MTMR3: variants seen among roughly 807,000 people sequenced by gnomAD.
MTMR3 encodes phosphatidylinositol-3,5-bisphosphate 3-phosphatase MTMR3.
In MTMR3, 32 loss-of-function variants were observed where a neutral mutation model predicts 132.4. The observed-to-expected ratio is 0.24, with a 90% confidence interval of 0.18 to 0.32. The LOEUF (loss-of-function observed/expected upper bound fraction) is 0.32. Ranked by LOEUF, MTMR3 falls within the 10% of genes least tolerant of loss-of-function variation. The probability of loss-of-function intolerance (pLI) is 1.00; values close to 1 mark genes in which losing one functional copy is unlikely to be tolerated. For missense variants in MTMR3, 1,216 were observed against 1,489.6 expected, an observed-to-expected ratio of 0.82 and a Z score of 3.02; for synonymous variants, 556 against 550.3, an observed-to-expected ratio of 1.01 and a Z score of -0.14.
chr22:29,955,995 A>G (rs2066182085), intron 1 of MTMR3, among the ~76,000 whole-genome samples: 1 of 151,852 alleles, frequency 6.6e-6, no homozygotes, highest in African/African-American at 2.4e-5. Context: ...CAGGTGATCC[A>G]CCCACCTTGG....
intron 1 of MTMR3, among the ~76,000 whole-genome samples, chr22:29,946,255 A>C (rs1394655185): frequency 6.6e-6 from 1 of 152,148 alleles, no homozygotes; most frequent in African/African-American, 2.4e-5. Context: ...AGGAGTATTA[A>C]GGAGCTGTGG....
chr22:29,893,442 C>T (rs767342590), intron 1 of MTMR3, among the ~76,000 whole-genome samples: 6 of 152,108 alleles, frequency 3.9e-5, no homozygotes, highest in Non-Finnish European at 5.9e-5. Flanking sequence ...TTGGTCTTTG[C>T]GTACATAATG....
At chr22:29,938,816 C>T (rs964252770) in intron 1 of MTMR3, among the ~76,000 whole-genome samples, 11 of 151,910 alleles carry the variant, frequency 7.2e-5, no homozygotes, top group Non-Finnish European at 1.6e-4. Flanking sequence ...ATTTTCTTTA[C>T]TTTTATTTTA....
intron 1 of MTMR3, among the ~76,000 whole-genome samples, chr22:29,901,818 T>C (rs1290157422): frequency 6.6e-6 from 1 of 152,246 alleles, no homozygotes; most frequent in African/African-American, 2.4e-5. Context: ...AGTATGTGAC[T>C]TCTTGAGACT....
chr22:29,916,942 TG>T (rs2065320812), intron 1 of MTMR3, among the ~76,000 whole-genome samples: 2 of 152,200 alleles, frequency 1.3e-5, no homozygotes, highest in African/African-American at 4.8e-5. Context: ...CACTGCCCCC[TG>T]TAACTGCAGT....
intron 1 of MTMR3, among the ~76,000 whole-genome samples, chr22:29,884,689 A>G (rs575427932): frequency 4.6e-5 from 7 of 151,178 alleles, no homozygotes; most frequent in African/African-American, 1.7e-4. Flanking sequence ...CAGCCTCCCA[A>G]GTAGCTGGGA....
At chr22:29,934,182 A>G (rs758278277) in intron 1 of MTMR3, among the ~76,000 whole-genome samples, 2 of 152,104 alleles carry the variant, frequency 1.3e-5, no homozygotes, top group African/African-American at 2.4e-5. Flanking sequence ...GTGAAACCCC[A>G]TCTCTACTAA....
chr22:29,920,981 T>TGGG lies in MTMR3; in HGVS notation c.-137-36052_-137-36050dup, dbSNP rs150260217. On this transcript the variant is annotated intron_variant, in intron 1 of 19. Transcript: ENST00000401950. ...ATGCCAGGTTTTTTTTAGGGGGTGG[T>TGGG]GGGGGTGGCGGGGGTGGTCCTGTAA... Among the ~76,000 whole-genome samples the TGGG allele has an allele frequency of 1.2e-4, 10 of 81,094 alleles. No individual in the cohort carries two copies. The South Asian group carries it at 4.1e-3, about 33-fold the overall frequency. The allele number at this position is 81,094 out of a possible 152,430, so 53.2% of individuals were successfully genotyped here.
chr22:29,941,074 C>G (rs904300299), intron 1 of MTMR3, among the ~76,000 whole-genome samples: 4 of 149,962 alleles, frequency 2.7e-5, no homozygotes, highest in African/African-American at 1.0e-4. Context: ...TCTAGTTAGT[C>G]TTTCTCTGCC....
intron 1 of MTMR3, among the ~76,000 whole-genome samples, chr22:29,925,246 C>A (rs551051025): frequency 6.6e-6 from 1 of 152,068 alleles, no homozygotes; most frequent in Non-Finnish European, 1.5e-5. Flanking sequence ...TTAGTCAGAT[C>A]GGTCTCACAC....
intron 7 of MTMR3, chr22:29,994,787 G>C (rs3788422): frequency 2.0e-5 from 3 of 152,164 alleles, no homozygotes; most frequent in Admixed American, 2.0e-4. Flanking sequence ...CTGTTGAACC[G>C]GTCATAGTTA....
At chr22:30,021,964 A>G (rs2145979264) in intron 17 of MTMR3, 65 bp from the exon 18 acceptor site, 1 of 1,273,846 alleles carries the variant, frequency 7.9e-7, no homozygotes, top group East Asian at 2.3e-5. Flanking sequence ...CTTCTTCACC[A>G]GGCCTTTTCT....
chr22:30,007,053 T>A, intron 9 of MTMR3, 61 bp from the exon 10 acceptor site: 1 of 1,572,688 alleles, frequency 6.4e-7, no homozygotes, highest in Non-Finnish European at 8.7e-7. Context: ...TAAAATCTAT[T>A]TTGTGTGAGT....
At chr22:29,900,941 C>G (rs2064992629) in intron 1 of MTMR3, among the ~76,000 whole-genome samples, 1 of 152,268 alleles carries the variant, frequency 6.6e-6, no homozygotes, top group Non-Finnish European at 1.5e-5. Flanking sequence ...TTTGCCTTGG[C>G]CTCCCAAAAT....
intron 1 of MTMR3, among the ~76,000 whole-genome samples, chr22:29,903,004 C>T (rs916683329): frequency 1.3e-5 from 2 of 152,162 alleles, no homozygotes; most frequent in African/African-American, 4.8e-5. Flanking sequence ...GGGCAGATCA[C>T]TTGAGGTCAG....
chr22:29,931,791 T>C (rs1350955685), intron 1 of MTMR3, among the ~76,000 whole-genome samples: 1 of 151,460 alleles, frequency 6.6e-6, no homozygotes, highest in East Asian at 1.9e-4. Context: ...TTTTTTTTTT[T>C]TTTTTTAAAG....
chr22:29,908,254 A>G (rs1161097200), intron 1 of MTMR3, among the ~76,000 whole-genome samples: 1 of 152,212 alleles, frequency 6.6e-6, no homozygotes, highest in Non-Finnish European at 1.5e-5. Flanking sequence ...GCTCAATGCC[A>G]TATTAGTTTT....
intron 12 of MTMR3, 160 bp downstream of exon 12, chr22:30,009,289 T>C: frequency 1.7e-6 from 1 of 600,990 alleles, no homozygotes; most frequent in Non-Finnish European, 2.9e-6. Context: ...TCTCTGCAAG[T>C]ATCTCCTTGC....
chr22:30,019,720 G>A lies in MTMR3; in HGVS notation c.2061G>A (p.Gly687=), dbSNP rs2067698759. Residue 687 remains glycine, a synonymous_variant, in exon 17 of 20, where the codon GGG becomes GGA. Transcript: ENST00000401950. The part of the protein sequence containing the change: ...ELSVAAGVAE[G]QMENILQEAT... The stretch of plus-strand genomic sequence containing the variant: ...CTGTTGCAGCCGGAGTAGCTGAGGG[G>A]CAGATGGAGAACATCTTGCAGGAGG... 1 of 1,614,230 alleles carries A rather than the reference G, an allele frequency of 6.2e-7. No individual in the cohort carries two copies. The highest frequency in any genetic ancestry group is 8.5e-7 in the Non-Finnish European group (1 of 1,180,034).
Sources: gnomAD v4.1 joint callset for allele counts (sites outside exome capture counted in the v4.1 genomes callset) on GRCh38, gnomAD v4.1.1 for gene constraint, MANE v1.5 for transcripts, NCBI Gene and HGNC (gene_info 2026-07-23, HGNC 2026-07-21) for gene names.